Variants in DAB1 observed in about 807,000 individuals in gnomAD.
DAB1 encodes the protein DAB adaptor protein 1.
A neutral mutation model predicts 64.6 loss-of-function variants in DAB1; 15 were observed. The ratio of observed to expected loss-of-function variants is 0.23; its 90% CI spans 0.16 to 0.36. DAB1 has a LOEUF of 0.36. Ranked by LOEUF, DAB1 falls within the 10% of genes least tolerant of loss-of-function variation. DAB1 has a pLI of 1.00. For synonymous variants in DAB1, 235 were observed against 251.9 expected, an observed-to-expected ratio of 0.93 and a Z score of 0.64; for missense variants, 596 against 706.7, an observed-to-expected ratio of 0.84 and a Z score of 1.78.
chr1:57,191,356 T>G (rs766247077), intron 2 of DAB1, among the ~76,000 whole-genome samples: 3 of 152,190 alleles, frequency 2.0e-5, no homozygotes, highest in African/African-American at 7.2e-5. Context: ...AGGGGATATT[T>G]CAATGGACTT....
At chr1:57,319,320 G>T (rs1337711076) in intron 1 of DAB1, among the ~76,000 whole-genome samples, 4 of 152,106 alleles carry the variant, frequency 2.6e-5, no homozygotes, top group Non-Finnish European at 5.9e-5. Flanking sequence ...GATTGGGGGA[G>T]GGCAGATTTG....
chr1:57,484,154 T>C (rs1326978993), intron 7 of DAB1, among the ~76,000 whole-genome samples: 1 of 152,092 alleles, frequency 6.6e-6, no homozygotes, highest in Non-Finnish European at 1.5e-5. Flanking sequence ...GAGGTAGGAA[T>C]GAGCATCAAG....
chr1:57,606,147 A>G (rs528867976), intron 7 of DAB1: 9 of 268,478 alleles, frequency 3.4e-5, no homozygotes, highest in East Asian at 1.7e-4. Flanking sequence ...AAGTGATGCA[A>G]ATTTGGTGAA....
chr1:57,869,043 C>T (rs748016053), intron 1 of DAB1, among the ~76,000 whole-genome samples: 1 of 152,040 alleles, frequency 6.6e-6, no homozygotes. Context: ...GACTTGTTAT[C>T]TCTATTTCTT....
At chr1:58,031,665 T>C (rs1646972183) in intron 5 of DAB1, among the ~76,000 whole-genome samples, 1 of 152,178 alleles carries the variant, frequency 6.6e-6, no homozygotes, top group Non-Finnish European at 1.5e-5. Flanking sequence ...GGAAGCTGAA[T>C]TGCTTTGCAA....
At chr1:58,300,640 G>GGA (rs1557726272) in intron 4 of DAB1, among the ~76,000 whole-genome samples, 16 of 57,418 alleles carry the variant, frequency 2.8e-4, no homozygotes, top group African/African-American at 1.9e-4. Context: ...GAGAGAGAGA[G>GGA]AGAGAGAGGA....
At chr1:57,707,665 T>A (rs1646984474) in intron 6 of DAB1, among the ~76,000 whole-genome samples, 1 of 152,160 alleles carries the variant, frequency 6.6e-6, no homozygotes, top group East Asian at 1.9e-4. Flanking sequence ...GATTTATATG[T>A]TTTATATATT....
intron 2 of DAB1, among the ~76,000 whole-genome samples, chr1:57,235,682 G>C (rs1443545722): frequency 6.8e-6 from 1 of 148,032 alleles, no homozygotes; most frequent in African/African-American, 2.5e-5. Context: ...TCTGTCTCTA[G>C]TCCCATGTTT....
At chr1:57,540,873 A>C (rs1644793589) in intron 7 of DAB1, among the ~76,000 whole-genome samples, 1 of 152,182 alleles carries the variant, frequency 6.6e-6, no homozygotes, top group Admixed American at 6.5e-5. Flanking sequence ...CCAAACATAC[A>C]GTTAGACAGA....
chr1:57,338,528 A>G (rs1677290030), intron 1 of DAB1, among the ~76,000 whole-genome samples: 1 of 152,190 alleles, frequency 6.6e-6, no homozygotes. Context: ...GAACCCAAGG[A>G]TATAAGGCTA....
chr1:58,275,000 C>T (rs918573145), intron 4 of DAB1, among the ~76,000 whole-genome samples: 2 of 152,148 alleles, frequency 1.3e-5, no homozygotes, highest in African/African-American at 4.8e-5. Context: ...TAGACCGGAG[C>T]TGTTCCTATT....
At chr1:57,672,801 A>ATC (rs916972368) in intron 6 of DAB1, among the ~76,000 whole-genome samples, 2 of 151,966 alleles carry the variant, frequency 1.3e-5, no homozygotes, top group East Asian at 1.9e-4. Context: ...TTCTTTATTC[A>ATC]TCTCTCTCTC....
At chr1:57,373,549 T>C (rs963858888) in intron 1 of DAB1, among the ~76,000 whole-genome samples, 11 of 152,134 alleles carry the variant, frequency 7.2e-5, no homozygotes, top group African/African-American at 2.7e-4. Flanking sequence ...CAGTTACAAG[T>C]GCAAAACAGG....
At chr1:57,281,776 T>C (rs1270563644) in intron 2 of DAB1, among the ~76,000 whole-genome samples, 1 of 151,950 alleles carries the variant, frequency 6.6e-6, no homozygotes, top group African/African-American at 2.4e-5. Flanking sequence ...GAGATGAAGG[T>C]AGCCTGAACT....
chr1:57,705,131 G>A (rs1042446510), intron 6 of DAB1, among the ~76,000 whole-genome samples: 1 of 152,074 alleles, frequency 6.6e-6, no homozygotes, highest in Non-Finnish European at 1.5e-5. Flanking sequence ...CATAGTTGTG[G>A]TTAATGAATC....
chr1:57,011,041 C>T (rs973489799), intron 13 of DAB1, 104 bp downstream of exon 13: 6 of 1,447,832 alleles, frequency 4.1e-6, no homozygotes, highest in Non-Finnish European at 4.7e-6. Context: ...TGAGATTGAG[C>T]CAGCATTCTT....
chr1:57,795,837 T>C (rs1338116472), intron 6 of DAB1, among the ~76,000 whole-genome samples: 1 of 150,700 alleles, frequency 6.6e-6, no homozygotes, highest in Non-Finnish European at 1.5e-5. Context: ...AAAACTATAA[T>C]GCTGAAGAAA....
chr1:57,772,693 A>AT (rs199706982), intron 6 of DAB1, among the ~76,000 whole-genome samples: 135 of 151,466 alleles, frequency 8.9e-4, no homozygotes, highest in African/African-American at 2.9e-3. Context: ...CTATTTTTAG[A>AT]TTTTTTTTTA....
chr1:58,130,929 A>T (rs1385497885), intron 5 of DAB1, among the ~76,000 whole-genome samples: 3 of 149,902 alleles, frequency 2.0e-5, no homozygotes, highest in Admixed American at 2.0e-4. Flanking sequence ...TCTGACAATT[A>T]TGTGTCTTGG....
Sources: allele counts gnomAD v4.1 joint callset (sites outside exome capture counted in the v4.1 genomes callset), GRCh38; gene constraint gnomAD v4.1.1; transcripts MANE v1.5; gene names NCBI Gene and HGNC (gene_info 2026-07-23, HGNC 2026-07-21).